The following COL7A1 variants were observed in gnomAD, a reference collection of about 807,000 sequenced individuals.
The protein encoded by COL7A1 is collagen alpha-1(VII) chain.
Under a neutral mutation model 456.2 loss-of-function variants are expected in COL7A1, and 296 were observed. The ratio of observed to expected loss-of-function variants is 0.65; its 90% CI spans 0.59 to 0.71. The LOEUF (loss-of-function observed/expected upper bound fraction) is 0.71, where lower values mean the gene tolerates loss of function less well. Among genes scored for constraint, COL7A1 ranks in the 30% least tolerant of loss-of-function variants. The probability of loss-of-function intolerance (pLI) is 0.00; values close to 1 mark genes in which losing one functional copy is unlikely to be tolerated. For synonymous variants in COL7A1, 1,464 were observed against 1,525.9 expected, an observed-to-expected ratio of 0.96 and a Z score of 0.95; for missense variants, 3,441 against 4,017.2, an observed-to-expected ratio of 0.86 and a Z score of 3.88.
At position 48,566,878 on chromosome 3, in the gene COL7A1, G is replaced by T; in HGVS notation, c.8226+29C>A. On this transcript the variant is annotated intron_variant, in intron 111 of 118. Transcript: ENST00000681320. The surrounding 1 kb of genome is among the most constrained non-coding windows in gnomAD (Gnocchi z 5.9). Reference sequence around the variant, plus strand: ...GTTGGAAGGGTAGGGAAGGTTCAGGGATCAGGAGTCAGAGCTGGGGCCCCT... The same window carrying T: ...GTTGGAAGGGTAGGGAAGGTTCAGGTATCAGGAGTCAGAGCTGGGGCCCCT... 2.5e-6 allele frequency: 4 copies of T among 1,579,626 alleles called. No homozygotes were observed. The highest frequency in any genetic ancestry group is 3.5e-6 in the Non-Finnish European group (4 of 1,156,868).
intron 71 of COL7A1, 111 bp downstream of exon 71, chr3:48,576,138 G>T: frequency 1.3e-6 from 2 of 1,540,034 alleles, no homozygotes; most frequent in South Asian, 1.1e-5. Flanking sequence ...GCAGGGCACT[G>T]AACACACAGC....
rs111439172 is a variant in COL7A1, at chr3:48,594,277, C to T, written c.266+91G>A. 23 of 1,494,606 alleles carry T rather than the reference C, an allele frequency of 1.5e-5. No homozygotes were observed. The Admixed American group carries it at 2.1e-4, about 13-fold the overall frequency. The allele number at this position is 1,494,606 out of a possible 1,614,324, so 92.6% of individuals were successfully genotyped here. A position where few individuals can be genotyped will look rare whatever the true frequency, so the allele number is the denominator to read the frequency against. On this transcript the variant is annotated intron_variant, in intron 3 of 118. Coordinates refer to ENST00000681320, the MANE Select transcript of COL7A1 (RefSeq NM_000094.4). This position sits in a 1 kb window ranked among gnomAD's most constrained non-coding sequence, Gnocchi z 5.5. ...CCCCAAAACTTGTTTCTGCAAAGACCTGGCCTGGGGTTTCCAGGGTCTCCT... is the reference window on the plus strand; with the variant it reads ...CCCCAAAACTTGTTTCTGCAAAGACTTGGCCTGGGGTTTCCAGGGTCTCCT...
rs778366245 is a variant in COL7A1, at chr3:48,585,743, G to A, written c.3787-9C>T. On this transcript the variant is annotated splice_polypyrimidine_tract_variant and intron_variant, in intron 30 of 118. Coordinates refer to ENST00000681320, the MANE Select transcript of COL7A1 (RefSeq NM_000094.4). The surrounding 1 kb of genome is among the most constrained non-coding windows in gnomAD (Gnocchi z 4.5). The stretch of plus-strand genomic sequence containing the variant: ...ACTTGTCCTCTCAGGCCCTAGGAAG[G>A]GTAATCAGTGAGACCTGTGCTGCCA... 6.2e-7 allele frequency: 1 copy of A among 1,613,986 alleles called. No individual in the cohort carries two copies. Among genetic ancestry groups the A allele is most frequent in the Non-Finnish European group, 8.5e-7 (1 of 1,180,008 alleles).
chr3:48,590,825 G>C lies in COL7A1; in HGVS notation c.1637-9C>G. 6.2e-7 allele frequency: 1 copy of C among 1,612,080 alleles called. No individual in the cohort carries two copies. ...CAGGGTCCGCTCAACCCCTAAGAGA[G>C]AAGTCAGGGTAGGTGGGCAGGGGTC... On this transcript the variant is annotated splice_polypyrimidine_tract_variant and intron_variant, in intron 13 of 118. Coordinates refer to ENST00000681320, the MANE Select transcript of COL7A1 (RefSeq NM_000094.4). This position sits in a 1 kb window ranked among gnomAD's most constrained non-coding sequence, Gnocchi z 4.6.
In COL7A1 at chr3:48,591,856, A is replaced by T. The variant is rs758497318; in HGVS notation, c.1358-34T>A. On this transcript the variant is annotated intron_variant, in intron 11 of 118. Coordinates refer to ENST00000681320, the MANE Select transcript of COL7A1 (RefSeq NM_000094.4). This position sits in a 1 kb window ranked among gnomAD's most constrained non-coding sequence, Gnocchi z 7.0. ...TAACAGGGTCAGACCAGCAGAGGCC[A>T]TGCCCTGACCCTTGCCTGTCCATCC... The T allele has an allele frequency of 1.2e-6, 2 of 1,614,184 alleles. No homozygotes were observed. Among genetic ancestry groups the T allele is most frequent in the African/African-American group, 2.7e-5 (2 of 75,052 alleles).
chr3:48,567,995 T>C lies in COL7A1; in HGVS notation c.7875+95A>G, dbSNP rs1159020606. 1 of 1,599,670 alleles carries C rather than the reference T, an allele frequency of 6.3e-7. No homozygotes were observed. Among genetic ancestry groups the C allele is most frequent in the Admixed American group, 1.7e-5 (1 of 59,748 alleles). ...CAAACAGGCCTCAGCTACTCCAACC[T>C]CTGACCCAGTGCCCTAATATCTGAC... On this transcript the variant is annotated intron_variant, in intron 106 of 118. Coordinates refer to ENST00000681320, the MANE Select transcript of COL7A1 (RefSeq NM_000094.4). The surrounding 1 kb of genome is among the most constrained non-coding windows in gnomAD (Gnocchi z 4.3).
At position 48,566,698 on chromosome 3, in the gene COL7A1, G is replaced by A. The variant is rs755546809; in HGVS notation, c.8266C>T (p.Pro2756Ser). 6.2e-7 allele frequency: 1 copy of A among 1,614,012 alleles called. No individual in the cohort carries two copies. The highest frequency in any genetic ancestry group is 8.5e-7 in the Non-Finnish European group (1 of 1,179,968). ...GPPGERVVGA[P>S]GVPGAPGERG... Reference sequence around the variant, plus strand: ...TCGCCAGGAGCTCCAGGGACCCCAGGAGCCCCCACCACTCTCTCTCCGGGG... The same window carrying A: ...TCGCCAGGAGCTCCAGGGACCCCAGAAGCCCCCACCACTCTCTCTCCGGGG... The change falls in exon 112 of 119, where the codon CCT (proline) becomes TCT (serine). Residue 2756 changes from proline to serine, a missense_variant. Coordinates refer to ENST00000681320, the MANE Select transcript of COL7A1 (RefSeq NM_000094.4). The surrounding 1 kb of genome is among the most constrained non-coding windows in gnomAD (Gnocchi z 5.9).
chr3:48,581,671 C>G lies in COL7A1; in HGVS notation c.4722+35G>C. 6.2e-7 allele frequency: 1 copy of G among 1,614,144 alleles called. No homozygotes were observed. The highest frequency in any genetic ancestry group is 8.5e-7 in the Non-Finnish European group (1 of 1,180,030). The stretch of plus-strand genomic sequence containing the variant: ...GATAAGAAGTCAGGAAGACAACCTT[C>G]ACCAACTGCCCCCTAAACACTTCGC... On this transcript the variant is annotated intron_variant, in intron 49 of 118. Coordinates refer to ENST00000681320, the MANE Select transcript of COL7A1 (RefSeq NM_000094.4). The surrounding 1 kb of genome is among the most constrained non-coding windows in gnomAD (Gnocchi z 5.8).
At position 48,567,473 on chromosome 3, in the gene COL7A1, C is replaced by G; in HGVS notation, c.8046+101G>C. On this transcript the variant is annotated intron_variant, in intron 109 of 118. Transcript: ENST00000681320. The surrounding 1 kb of genome is among the most constrained non-coding windows in gnomAD (Gnocchi z 4.3). ...CCACTTCAGCCCCCAAAGTCCCAAC[C>G]CTCTACAGCCTTCCTTGTCCCTACA... is the stretch of plus-strand genomic sequence containing the variant. The G allele has an allele frequency of 1.3e-6, 2 of 1,536,902 alleles. No individual in the cohort carries two copies. The highest frequency in any genetic ancestry group is 1.8e-6 in the Non-Finnish European group (2 of 1,111,122).
At position 48,565,094 on chromosome 3, in the gene COL7A1, GC is replaced by G; in HGVS notation, c.8620+14del. 6.2e-7 allele frequency: 1 copy of G among 1,612,998 alleles called. No individual in the cohort carries two copies. The highest frequency in any genetic ancestry group is 1.3e-5 in the African/African-American group (1 of 75,018). ...TGCCCCTCCCCAGACCCCGCTGGCA[GC>G]CCCCCATTCTCACCATCACTATCCC... On this transcript the variant is annotated intron_variant, in intron 117 of 118. Coordinates refer to ENST00000681320, the MANE Select transcript of COL7A1 (RefSeq NM_000094.4). This position sits in a 1 kb window ranked among gnomAD's most constrained non-coding sequence, Gnocchi z 4.5.
chr3:48,575,556 G>A lies in COL7A1; in HGVS notation c.5980-17C>T. The A allele has an allele frequency of 6.2e-7, 1 of 1,612,598 alleles. No individual in the cohort carries two copies. Among genetic ancestry groups the A allele is most frequent in the South Asian group, 1.1e-5 (1 of 91,090 alleles). On this transcript the variant is annotated splice_polypyrimidine_tract_variant and intron_variant, in intron 73 of 118. Coordinates refer to ENST00000681320, the MANE Select transcript of COL7A1 (RefSeq NM_000094.4). The surrounding 1 kb of genome is among the most constrained non-coding windows in gnomAD (Gnocchi z 6.3). Reference sequence around the variant, plus strand: ...GATGGGGCCCTGCAGGAGTGGAAGAGAGAATGCTGGTGGCTGTACAGCTAC... The same window carrying A: ...GATGGGGCCCTGCAGGAGTGGAAGAAAGAATGCTGGTGGCTGTACAGCTAC...
At position 48,594,518 on chromosome 3, in the gene COL7A1, A is replaced by T; in HGVS notation, c.116T>A (p.Ile39Asn). 1 of 1,610,902 alleles carries T rather than the reference A, an allele frequency of 6.2e-7. No individual in the cohort carries two copies. The change falls in exon 3 of 119, where the codon ATT (isoleucine) becomes AAT (asparagine). Residue 39 changes from isoleucine (I) to asparagine (N), a missense_variant. Ile to Asn is a moderately radical substitution (Grantham distance 149). Transcript: ENST00000681320. The surrounding 1 kb of genome is among the most constrained non-coding windows in gnomAD (Gnocchi z 5.5). The stretch of plus-strand genomic sequence containing the variant: ...TGAGGAGCCATCCAGTAAGAACACA[A>T]TGTCAGCGGCGTAAAGGCGCGTGCA... ...VTCTRLYAAD[I>N]VFLLDGSSSI...
chr3:48,581,978 G>T lies in COL7A1; in HGVS notation c.4636-35C>A. ...AACAGGACAGATACAGCTTGGCCCT[G>T]CCTTGGGGTTGTATGATCAAAGTCT... is the stretch of plus-strand genomic sequence containing the variant. On this transcript the variant is annotated intron_variant, in intron 47 of 118. Coordinates refer to ENST00000681320, the MANE Select transcript of COL7A1 (RefSeq NM_000094.4). This position sits in a 1 kb window ranked among gnomAD's most constrained non-coding sequence, Gnocchi z 5.8. 1 of 1,613,932 alleles carries T rather than the reference G, an allele frequency of 6.2e-7. No individual in the cohort carries two copies. The highest frequency in any genetic ancestry group is 8.5e-7 in the Non-Finnish European group (1 of 1,179,994).
Position 48,570,004 on chromosome 3 carries a change from C to T in COL7A1, c.7486-89G>A, listed in dbSNP as rs2043808201. The stretch of plus-strand genomic sequence containing the variant: ...GGGGGAGGAGGGAAACAGTGGGGAC[C>T]AGACAAAGGGGACAGGGGTAGACGA... On this transcript the variant is annotated intron_variant, in intron 99 of 118. Transcript: ENST00000681320. This position sits in a 1 kb window ranked among gnomAD's most constrained non-coding sequence, Gnocchi z 5.5. 6.2e-7 allele frequency: 1 copy of T among 1,600,060 alleles called. No homozygotes were observed. The highest frequency in any genetic ancestry group is 1.3e-5 in the African/African-American group (1 of 74,686).
chr3:48,579,820 G>A lies in COL7A1; in HGVS notation c.5125-6C>T, dbSNP rs372345936. ...GCTCCAGGTCCTGTGTCTACCTGTG[G>A]GGGGAATGACCAGTGAGAAGAATGG... On this transcript the variant is annotated splice_polypyrimidine_tract_variant and splice_region_variant and intron_variant, in intron 57 of 118. Coordinates refer to ENST00000681320, the MANE Select transcript of COL7A1 (RefSeq NM_000094.4). The surrounding 1 kb of genome is among the most constrained non-coding windows in gnomAD (Gnocchi z 4.4). The A allele has an allele frequency of 4.6e-4, 749 of 1,614,062 alleles. 3 individuals are homozygous for A. In the African/African-American group the frequency reaches 9.0e-3, roughly 19 times the overall value.
Position 48,578,888 on chromosome 3 carries a change from C to A in COL7A1, c.5424+31G>T. ...GGTTGGAGCTTACGCAGCCCCGAGCCCCCTCTGTCCCAGCATCTCCCCTCA... is the reference window on the plus strand; with the variant it reads ...GGTTGGAGCTTACGCAGCCCCGAGCACCCTCTGTCCCAGCATCTCCCCTCA... On this transcript the variant is annotated intron_variant, in intron 63 of 118. Coordinates refer to ENST00000681320, the MANE Select transcript of COL7A1 (RefSeq NM_000094.4). The surrounding 1 kb of genome is among the most constrained non-coding windows in gnomAD (Gnocchi z 4.7). 1 of 1,608,482 alleles carries A rather than the reference C, an allele frequency of 6.2e-7. No homozygotes were observed. The highest frequency in any genetic ancestry group is 8.5e-7 in the Non-Finnish European group (1 of 1,176,596).
rs2107759950 is a variant in COL7A1 at position 48,587,845 on chromosome 3, A to G, written c.2805T>C (p.Ser935=). ...GCCCTTCTCCAGCTGGCCCTAGGAC[A>G]CTCAGCCTCACGCGGTACTGTGTCG... The part of the protein sequence containing the change: ...EPATQYRVRL[S]VLGPAGEGPS... Residue 935 remains serine, a synonymous_variant, in exon 22 of 119, where the codon AGT becomes AGC. Transcript: ENST00000681320. The surrounding 1 kb of genome is among the most constrained non-coding windows in gnomAD (Gnocchi z 6.1). The G allele has an allele frequency of 6.2e-7, 1 of 1,613,190 alleles. No individual in the cohort carries two copies. The highest frequency in any genetic ancestry group is 8.5e-7 in the Non-Finnish European group (1 of 1,179,888).
rs1400856724 is a variant in COL7A1 at position 48,566,619 on chromosome 3, T to A, written c.8304+41A>T. ...CCTCTGACCTCAGGGACAACAGAAG[T>A]CACCCCGATCTCTGACCCAAGCCTT... On this transcript the variant is annotated intron_variant, in intron 112 of 118. Transcript: ENST00000681320. The surrounding 1 kb of genome is among the most constrained non-coding windows in gnomAD (Gnocchi z 5.9). 1 of 1,614,068 alleles carries A rather than the reference T, an allele frequency of 6.2e-7. No homozygotes were observed. The highest frequency in any genetic ancestry group is 8.5e-7 in the Non-Finnish European group (1 of 1,179,994).
In COL7A1 at chr3:48,587,278, C is replaced by T. The variant is rs75167499; in HGVS notation, c.3051G>A (p.Gly1017=). The T allele has an allele frequency of 2.5e-6, 4 of 1,609,496 alleles. No individual in the cohort carries two copies. Among genetic ancestry groups the T allele is most frequent in the Non-Finnish European group, 3.4e-6 (4 of 1,177,828 alleles). The change falls in exon 24 of 119, where the codon GGG becomes GGA. Residue 1017 remains glycine, a synonymous_variant. Transcript: ENST00000681320. The surrounding 1 kb of genome is among the most constrained non-coding windows in gnomAD (Gnocchi z 6.1). The stretch of plus-strand genomic sequence containing the variant: ...AGATGTAAGAGACGCCAGGCTCTAG[C>T]CCTGTCACCCGCTGGGAGCTTGAGA... ...PGISSSQRVT[G]LEPGVSYIFS...
Sources: gnomAD v4.1 joint callset for allele counts on GRCh38, gnomAD v4.1.1 for gene constraint, Gnocchi (gnomAD v3.1) non-coding constraint, MANE v1.5 for transcripts, NCBI Gene and HGNC (gene_info 2026-07-23, HGNC 2026-07-21) for gene names.